Variants in WWP1 observed in about 807,000 individuals in gnomAD.
The protein encoded by WWP1 is NEDD4-like E3 ubiquitin-protein ligase WWP1.
A neutral mutation model predicts 130.6 loss-of-function variants in WWP1; 49 were observed. The ratio of observed to expected loss-of-function variants is 0.38; its 90% CI spans 0.30 to 0.48. The LOEUF is 0.48. Among genes scored for constraint, WWP1 ranks in the 20% least tolerant of loss-of-function variants. The pLI is 0.99. For missense variants in WWP1, 809 were observed against 1,100.6 expected (o/e 0.74, Z 3.75); for synonymous variants, 332 against 367.8 (o/e 0.90, Z 1.11).
chr8:86,410,984 AT>A (rs1163541242), intron 8 of WWP1, among the ~76,000 whole-genome samples: 1 of 152,212 alleles, frequency 6.6e-6, no homozygotes, highest in African/African-American at 2.4e-5. Flanking sequence ...AACTAGATCA[AT>A]CACACTTAAA....
intron 5 of WWP1, among the ~76,000 whole-genome samples, chr8:86,395,813 A>G (rs776721386): frequency 2.6e-5 from 4 of 152,264 alleles, no homozygotes; most frequent in Admixed American, 6.5e-5. Context: ...ATCATTACCA[A>G]TACAAAATTA....
intron 17 of WWP1, chr8:86,442,365 G>A (rs1489538064): frequency 8.0e-6 from 2 of 249,014 alleles, no homozygotes; most frequent in African/African-American, 2.2e-5. Context: ...CCAAGCAAAA[G>A]TGTGGCATAC....
chr8:86,435,824 T>C, intron 16 of WWP1, 120 bp downstream of exon 16: 1 of 884,124 alleles, frequency 1.1e-6, no homozygotes, highest in Non-Finnish European at 1.7e-6. Flanking sequence ...TAATAATGAC[T>C]GCCACCACCA....
intron 1 of WWP1, among the ~76,000 whole-genome samples, chr8:86,345,226 A>G (rs1002498238): frequency 4.6e-5 from 7 of 152,336 alleles, no homozygotes; most frequent in Non-Finnish European, 1.0e-4. Flanking sequence ...TTTGAGCAAG[A>G]TCATGAAGCT....
At chr8:86,435,845 G>A in intron 16 of WWP1, 141 bp downstream of exon 16, 1 of 765,226 alleles carries the variant, frequency 1.3e-6, no homozygotes, top group South Asian at 2.1e-5. Flanking sequence ...CTTGTTGAGT[G>A]CCTTTGTTTT....
At chr8:86,440,383 CTT>C (rs980667051) in intron 17 of WWP1, among the ~76,000 whole-genome samples, 1 of 152,146 alleles carries the variant, frequency 6.6e-6, no homozygotes, top group African/African-American at 2.4e-5. Context: ...TTCCTACAGT[CTT>C]TGCATAATGT....
At chr8:86,444,748 G>C (rs28658205) in intron 18 of WWP1, among the ~76,000 whole-genome samples, 2,402 of 152,240 alleles carry the variant, frequency 0.016, 60 homozygotes, top group African/African-American at 0.054. Context: ...AATCAAGAGA[G>C]AATGGAGGGA....
intron 9 of WWP1, among the ~76,000 whole-genome samples, chr8:86,423,631 C>G (rs1809361904): frequency 6.6e-6 from 1 of 152,176 alleles, no homozygotes; most frequent in Admixed American, 6.5e-5. Flanking sequence ...TCTTTCTACA[C>G]AGACACAGCA....
chr8:86,435,326 C>T (rs973197689), intron 14 of WWP1, 126 bp from the exon 15 acceptor site: 4 of 953,298 alleles, frequency 4.2e-6, no homozygotes, highest in Non-Finnish European at 1.6e-6. Flanking sequence ...GTATGTATAC[C>T]CTTCTCTCCC....
Position 86,367,889 on chromosome 8 carries a change from A to C in WWP1, c.-114-1050A>C, listed in dbSNP as rs182227539. ...GATCAGCACTCTCTCATTCTGTTCA[A>C]CATTTATTCCAAAATATCTCCACTG... On this transcript the variant is annotated intron_variant, in intron 1 of 24. Transcript: ENST00000517970. Among the ~76,000 whole-genome samples the C allele has an allele frequency of 1.4e-3, 207 of 152,322 alleles. 2 individuals are homozygous for C. The highest frequency in any genetic ancestry group is 4.7e-3 in the African/African-American group (195 of 41,578).
intron 11 of WWP1, 51 bp downstream of exon 11, chr8:86,427,868 C>G: frequency 6.7e-7 from 1 of 1,488,604 alleles, no homozygotes; most frequent in Non-Finnish European, 9.0e-7. Context: ...TCAGGTGTTT[C>G]TTTCTTTTTT....
intron 10 of WWP1, among the ~76,000 whole-genome samples, chr8:86,426,768 A>G (rs954544577): frequency 6.6e-6 from 1 of 152,234 alleles, no homozygotes; most frequent in African/African-American, 2.4e-5. Flanking sequence ...TAAAAAAGTA[A>G]TAAAAAGAGT....
intron 1 of WWP1, among the ~76,000 whole-genome samples, chr8:86,362,998 A>G (rs745937186): frequency 1.6e-4 from 25 of 152,150 alleles, no homozygotes; most frequent in Admixed American, 6.5e-5. Flanking sequence ...ATAATTTAGC[A>G]TTTATATAGT....
At chr8:86,409,379 A>G (rs1223413032) in intron 8 of WWP1, among the ~76,000 whole-genome samples, 1 of 149,938 alleles carries the variant, frequency 6.7e-6, no homozygotes, top group Non-Finnish European at 1.5e-5. Flanking sequence ...GATTACAGGC[A>G]CACAACCACC....
At chr8:86,387,660 G>C (rs1210388025) in intron 5 of WWP1, among the ~76,000 whole-genome samples, 2 of 152,018 alleles carry the variant, frequency 1.3e-5, no homozygotes, top group East Asian at 3.9e-4. Flanking sequence ...TTACAGACGT[G>C]TGCTACCATG....
chr8:86,388,702 C>T (rs1479434311), intron 5 of WWP1, among the ~76,000 whole-genome samples: 1 of 152,100 alleles, frequency 6.6e-6, no homozygotes, highest in African/African-American at 2.4e-5. Flanking sequence ...TTAGTTTTCA[C>T]AAAATCATTT....
chr8:86,449,027 A>C (rs867386066), intron 20 of WWP1, among the ~76,000 whole-genome samples: 17 of 150,684 alleles, frequency 1.1e-4, no homozygotes, highest in African/African-American at 4.2e-4. Flanking sequence ...TTTTGTAAAG[A>C]TAGGGTCTCA....
At chr8:86,426,466 G>A (rs891802924) in intron 10 of WWP1, among the ~76,000 whole-genome samples, 77 of 151,658 alleles carry the variant, frequency 5.1e-4, no homozygotes, top group African/African-American at 1.8e-3. Context: ...AGAACAGGTG[G>A]GAGTTGGAGT....
At chr8:86,461,467 A>G (rs894045610) in intron 23 of WWP1, 147 bp downstream of exon 23, 2 of 707,968 alleles carry the variant, frequency 2.8e-6, no homozygotes, top group Non-Finnish European at 4.7e-6. Flanking sequence ...ATGAGTGGCT[A>G]ATATCAAAGC....
Sources: allele counts gnomAD v4.1 joint callset (sites outside exome capture counted in the v4.1 genomes callset), GRCh38; gene constraint gnomAD v4.1.1; transcripts MANE v1.5; gene names NCBI Gene and HGNC (gene_info 2026-07-23, HGNC 2026-07-21).